CCDC141: variants seen among roughly 807,000 people sequenced by gnomAD.
CCDC141 encodes the protein coiled-coil domain-containing protein 141.
In CCDC141, 168 loss-of-function variants were observed where a neutral mutation model predicts 181.0. The ratio of observed to expected loss-of-function variants is 0.93; its 90% CI spans 0.82 to 1.05. The LOEUF (loss-of-function observed/expected upper bound fraction) is 1.05, where lower values mean the gene tolerates loss of function less well. Ranked by LOEUF, CCDC141 falls within the 50% of genes least tolerant of loss-of-function variation. The pLI is 0.00. For missense variants in CCDC141, 1,902 were observed against 1,788.5 expected (o/e 1.06, Z -1.14); for synonymous variants, 666 against 642.3 (o/e 1.04, Z -0.56).
rs756892959 is a variant in CCDC141 at position 179,049,991 on chromosome 2, G to A, written c.-50C>T. ...CTTTGGGCAGCCTCTGGACAGTTGT[G>A]TGTCTGCTGGTCATTTCAGAAGGCC... On this transcript the variant is annotated 5_prime_UTR_variant, in exon 1 of 24. Transcript: ENST00000443758. 3 of 1,548,882 alleles carry A rather than the reference G, an allele frequency of 1.9e-6. No individual in the cohort carries two copies. The highest frequency in any genetic ancestry group is 2.6e-6 in the Non-Finnish European group (3 of 1,145,974).
intron 8 of CCDC141, among the ~76,000 whole-genome samples, chr2:178,894,204 G>T (rs1436871754): frequency 6.6e-6 from 1 of 152,148 alleles, no homozygotes; most frequent in African/African-American, 2.4e-5. Flanking sequence ...ACAGACGCTT[G>T]TGTGACCCTG....
At chr2:178,991,296 TA>T (rs1411247949) in intron 2 of CCDC141, among the ~76,000 whole-genome samples, 1 of 152,208 alleles carries the variant, frequency 6.6e-6, no homozygotes, top group Non-Finnish European at 1.5e-5. Context: ...TCCTCCCATA[TA>T]AAACATTTTA....
chr2:178,994,828 G>T (rs977772595), intron 2 of CCDC141, among the ~76,000 whole-genome samples: 2 of 152,084 alleles, frequency 1.3e-5, no homozygotes, highest in African/African-American at 2.4e-5. Context: ...CAAGTTCAAA[G>T]TTCCACAAAT....
rs1258179493 is a variant in CCDC141, at chr2:178,993,634, A to T, written c.226-14959T>A. ...TCTCATGTCCTTATATTGAAAACCA[A>T]TCATGCCTTCCCAACAGTCCCCAAA... On this transcript the variant is annotated intron_variant, in intron 2 of 23. Coordinates refer to ENST00000443758, the MANE Select transcript of CCDC141 (RefSeq NM_173648.4). Among the ~76,000 whole-genome samples, 6 of 152,130 alleles carry T rather than the reference A, an allele frequency of 3.9e-5. No homozygotes were observed. The East Asian group carries it at 1.2e-3, about 29-fold the overall frequency.
chr2:178,857,920 C>T (rs1468400693), intron 17 of CCDC141, among the ~76,000 whole-genome samples: 1 of 152,136 alleles, frequency 6.6e-6, no homozygotes, highest in Non-Finnish European at 1.5e-5. Context: ...TCAAATTCTG[C>T]AGACTGTGAA....
At chr2:178,897,170 G>A (rs1214734053) in intron 8 of CCDC141, among the ~76,000 whole-genome samples, 1 of 152,124 alleles carries the variant, frequency 6.6e-6, no homozygotes, top group African/African-American at 2.4e-5. Context: ...AGTACTCATT[G>A]CTGAGTAAGA....
intron 2 of CCDC141, among the ~76,000 whole-genome samples, chr2:179,015,712 TACATATCTC>T (rs2042501119): frequency 7.3e-6 from 1 of 136,990 alleles, no homozygotes; most frequent in African/African-American, 2.7e-5. Context: ...ATATATCTCA[TACATATCTC>T]ATATATATCT....
chr2:178,970,380 G>A lies in CCDC141; in HGVS notation c.526+4677C>T, dbSNP rs570293899. Among the ~76,000 whole-genome samples the A allele has an allele frequency of 6.6e-5, 10 of 152,272 alleles. No homozygotes were observed. The South Asian group carries it at 1.9e-3, about 28-fold the overall frequency. On this transcript the variant is annotated intron_variant, in intron 4 of 23. Coordinates refer to ENST00000443758, the MANE Select transcript of CCDC141 (RefSeq NM_173648.4). ...ACCTGACTTCAAACTATCCTACAAC[G>A]CTACGGTAAACAAAACAGCGTGATA...
intron 2 of CCDC141, among the ~76,000 whole-genome samples, chr2:179,043,428 T>G (rs542446073): frequency 6.6e-6 from 1 of 152,142 alleles, no homozygotes; most frequent in Non-Finnish European, 1.5e-5. Flanking sequence ...TTGATGAACA[T>G]TGATGCAAAA....
intron 11 of CCDC141, among the ~76,000 whole-genome samples, chr2:178,878,752 T>C (rs1331406076): frequency 6.6e-6 from 1 of 152,212 alleles, no homozygotes; most frequent in East Asian, 1.9e-4. Context: ...AACTAATTAT[T>C]GAAGCCAAAA....
intron 8 of CCDC141, 138 bp from the exon 9 acceptor site, chr2:178,888,806 C>CCGAG: frequency 1.2e-6 from 1 of 859,566 alleles, no homozygotes; most frequent in Non-Finnish European, 1.7e-6. Flanking sequence ...AAGTAGCTAT[C>CCGAG]ATCTCGGCAT....
chr2:178,903,828 A>G (rs184585631), intron 8 of CCDC141, among the ~76,000 whole-genome samples: 72 of 152,224 alleles, frequency 4.7e-4, no homozygotes, highest in Middle Eastern at 3.4e-3. Context: ...CCGCAAGCAA[A>G]GAGTAGCCTG....
At chr2:178,946,256 T>C (rs1325121845) in intron 5 of CCDC141, among the ~76,000 whole-genome samples, 1 of 152,172 alleles carries the variant, frequency 6.6e-6, no homozygotes, top group Non-Finnish European at 1.5e-5. Context: ...TTTTCTGGTA[T>C]CCAATTAGAG....
At chr2:178,856,021 G>T (rs2154367610) in intron 18 of CCDC141, among the ~76,000 whole-genome samples, 1 of 152,312 alleles carries the variant, frequency 6.6e-6, no homozygotes, top group South Asian at 2.1e-4. Flanking sequence ...AATGGAAGTA[G>T]ACAGGTTGGG....
chr2:178,978,797 C>A, intron 2 of CCDC141, 122 bp from the exon 3 acceptor site: 1 of 731,304 alleles, frequency 1.4e-6, no homozygotes, highest in Non-Finnish European at 2.1e-6. Flanking sequence ...TTTATAAACA[C>A]AAACTGTTAT....
chr2:178,844,426 G>A (rs1684850799), intron 22 of CCDC141, among the ~76,000 whole-genome samples: 1 of 152,116 alleles, frequency 6.6e-6, no homozygotes, highest in Admixed American at 6.6e-5. Flanking sequence ...TGGCCAAAAT[G>A]TCAACAGTGC....
intron 2 of CCDC141, among the ~76,000 whole-genome samples, chr2:179,030,797 T>G (rs1460431374): frequency 6.6e-6 from 1 of 152,088 alleles, no homozygotes; most frequent in Non-Finnish European, 1.5e-5. Flanking sequence ...TAATACTGCT[T>G]TATTAATTGC....
At chr2:178,993,861 T>A (rs1692166162) in intron 2 of CCDC141, among the ~76,000 whole-genome samples, 1 of 152,188 alleles carries the variant, frequency 6.6e-6, no homozygotes, top group Non-Finnish European at 1.5e-5. Flanking sequence ...ACAGGCCCCA[T>A]GAAAGTCCGA....
At chr2:178,821,035 T>C in the CCDC141 span, among the ~76,000 whole-genome samples, 1 of 152,172 alleles carries the variant, frequency 6.6e-6, no homozygotes, top group African/African-American at 2.4e-5. Flanking sequence ...TTTGCATTTG[T>C]CTAGAGAATG....
Sources: allele counts gnomAD v4.1 joint callset (sites outside exome capture counted in the v4.1 genomes callset), GRCh38; gene constraint gnomAD v4.1.1; transcripts MANE v1.5; gene names NCBI Gene and HGNC (gene_info 2026-07-23, HGNC 2026-07-21).